SEC23A: variants seen among roughly 807,000 people sequenced by gnomAD.
SEC23A encodes protein transport protein Sec23A.
A neutral mutation model predicts 103.7 loss-of-function variants in SEC23A; 56 were observed. That is an observed-to-expected ratio of 0.54 (90% CI 0.44 to 0.67). The LOEUF (loss-of-function observed/expected upper bound fraction) is 0.67. Ranked by LOEUF, SEC23A falls within the 30% of genes least tolerant of loss-of-function variation. The pLI, the probability that SEC23A is intolerant of heterozygous loss-of-function variation, is 0.00. For synonymous variants in SEC23A, 281 were observed against 293.0 expected, an observed-to-expected ratio of 0.96 and a Z score of 0.42; for missense variants, 784 against 936.4, an observed-to-expected ratio of 0.84 and a Z score of 2.12.
At chr14:39,036,826 G>T (rs1885479327) in intron 19 of SEC23A, among the ~76,000 whole-genome samples, 1 of 151,580 alleles carries the variant, frequency 6.6e-6, no homozygotes, top group Non-Finnish European at 1.5e-5. Flanking sequence ...TTATACTTTC[G>T]ACCTCCGCTT....
chr14:39,034,462 T>A (rs886628564), intron 19 of SEC23A, among the ~76,000 whole-genome samples: 2 of 152,366 alleles, frequency 1.3e-5, no homozygotes, highest in East Asian at 3.9e-4. Flanking sequence ...AATGAAATAC[T>A]TTTCTTTATT....
intron 7 of SEC23A, among the ~76,000 whole-genome samples, chr14:39,081,943 T>C (rs1887242470): frequency 6.6e-6 from 1 of 152,118 alleles, no homozygotes; most frequent in African/African-American, 2.4e-5. Flanking sequence ...ACATGAAGCA[T>C]TATCTTCTTG....
chr14:39,038,960 T>TTC (rs1283683467), intron 19 of SEC23A, 71 bp downstream of exon 19: 24 of 1,301,152 alleles, frequency 1.8e-5, no homozygotes. Flanking sequence ...GAAAAAAATG[T>TTC]AGCTTTCACT....
intron 9 of SEC23A, among the ~76,000 whole-genome samples, chr14:39,071,302 T>C (rs1047759942): frequency 6.6e-6 from 1 of 152,020 alleles, no homozygotes; most frequent in Non-Finnish European, 1.5e-5. Flanking sequence ...AATCAACATA[T>C]AAAAATCAAT....
intron 13 of SEC23A, 46 bp from the exon 14 acceptor site, chr14:39,055,342 C>A (rs747020941): frequency 6.3e-6 from 10 of 1,584,306 alleles, no homozygotes; most frequent in Non-Finnish European, 8.7e-6. Context: ...ATTATTATAC[C>A]CACAATATCA....
chr14:39,033,378 G>C (rs1885365842), intron 19 of SEC23A, 50 bp from the exon 20 acceptor site: 1 of 1,185,858 alleles, frequency 8.4e-7, no homozygotes, highest in South Asian at 1.2e-5. Flanking sequence ...GTGATATCAT[G>C]GAATTTATAC....
At chr14:39,053,066 C>T (rs1359309301) in intron 14 of SEC23A, among the ~76,000 whole-genome samples, 1 of 152,082 alleles carries the variant, frequency 6.6e-6, no homozygotes, top group Non-Finnish European at 1.5e-5. Flanking sequence ...ACCCAGGAGG[C>T]AGAGGTGGCA....
chr14:39,062,216 T>C (rs752519633), intron 12 of SEC23A, among the ~76,000 whole-genome samples: 3 of 152,208 alleles, frequency 2.0e-5, no homozygotes, highest in Non-Finnish European at 2.9e-5. Context: ...CTGCACAGAT[T>C]GAATATCCCT....
chr14:39,076,234 T>G (rs1007109768), intron 7 of SEC23A, 141 bp from the exon 8 acceptor site: 5 of 807,476 alleles, frequency 6.2e-6, no homozygotes, highest in African/African-American at 3.5e-5. Context: ...ACAATGAAAT[T>G]TAAAAACAAA....
intron 2 of SEC23A, among the ~76,000 whole-genome samples, chr14:39,093,645 C>T (rs1887740972): frequency 6.6e-6 from 1 of 152,048 alleles, no homozygotes; most frequent in Non-Finnish European, 1.5e-5. Flanking sequence ...CCTGCACTCC[C>T]AGTTACTTAG....
chr14:39,063,292 A>T, intron 12 of SEC23A, 32 bp downstream of exon 12: 1 of 1,276,252 alleles, frequency 7.8e-7, no homozygotes, highest in South Asian at 1.2e-5. Context: ...TGTACGTTGT[A>T]CGTTTTGATA....
intron 7 of SEC23A, among the ~76,000 whole-genome samples, chr14:39,076,926 C>CAA (rs1206978231): frequency 1.8e-5 from 2 of 108,876 alleles, no homozygotes; most frequent in Admixed American, 1.0e-4. Flanking sequence ...GACTCCGTCT[C>CAA]AAAAAAAAAA....
At chr14:39,048,595 G>T in intron 15 of SEC23A, 57 bp downstream of exon 15, 1 of 1,094,522 alleles carries the variant, frequency 9.1e-7, no homozygotes, top group Non-Finnish European at 1.4e-6. Flanking sequence ...GGGAGAGCCT[G>T]TCTCTAAAAA....
intron 18 of SEC23A, chr14:39,040,250 A>G (rs968882655): frequency 6.1e-6 from 1 of 164,758 alleles, no homozygotes; most frequent in Admixed American, 5.8e-5. Flanking sequence ...CAAAATCCTA[A>G]AAGCCACAAA....
chr14:39,062,082 G>A (rs546180658), intron 12 of SEC23A, among the ~76,000 whole-genome samples: 1 of 152,206 alleles, frequency 6.6e-6, no homozygotes, highest in East Asian at 1.9e-4. Flanking sequence ...AATGATAGAA[G>A]TCAGTCCTGC....
chr14:39,058,998 T>A (rs924158517), intron 13 of SEC23A, among the ~76,000 whole-genome samples: 5 of 152,066 alleles, frequency 3.3e-5, no homozygotes, highest in Non-Finnish European at 7.4e-5. Flanking sequence ...AGTGAACACA[T>A]GCAAATTTAC....
rs752372967 is a variant in SEC23A at position 39,076,031 on chromosome 14, C to A, written c.891G>T (p.Gly297=). 1.1e-5 allele frequency: 18 copies of A among 1,613,674 alleles called. No individual in the cohort carries two copies. Among genetic ancestry groups the A allele is most frequent in the Non-Finnish European group, 1.5e-5 (18 of 1,179,786 alleles). ...MMFIGGPATQ[G]PGMVVGDELK... ...ACTCATCTCCAACCACCATTCCAGG[C>A]CCCTGAGTAGCAGGACCACCAATGA... is the stretch of plus-strand genomic sequence containing the variant. Residue 297 remains glycine, a synonymous_variant, in exon 8 of 20, where the codon GGG becomes GGT. Coordinates refer to ENST00000307712, the MANE Select transcript of SEC23A (RefSeq NM_006364.4).
intron 7 of SEC23A, among the ~76,000 whole-genome samples, chr14:39,082,585 A>T (rs1887265300): frequency 6.6e-6 from 1 of 152,182 alleles, no homozygotes; most frequent in Non-Finnish European, 1.5e-5. Context: ...ATAAATCAAC[A>T]TGGGGGTTCC....
chr14:39,095,830 AT>A (rs904051666), intron 2 of SEC23A, 67 bp downstream of exon 2: 31 of 1,217,910 alleles, frequency 2.5e-5, no homozygotes, highest in Middle Eastern at 1.9e-4. Flanking sequence ...TTTTATAAAA[AT>A]ATGCAGAAAA....
Sources: allele counts gnomAD v4.1 joint callset (sites outside exome capture counted in the v4.1 genomes callset), GRCh38; gene constraint gnomAD v4.1.1; transcripts MANE v1.5; gene names NCBI Gene and HGNC (gene_info 2026-07-23, HGNC 2026-07-21).